UBL3: variants seen among roughly 807,000 people sequenced by gnomAD.
UBL3 encodes ubiquitin-like protein 3.
A neutral mutation model predicts 18.4 loss-of-function variants in UBL3; 6 were observed. The observed-to-expected ratio is 0.33, with a 90% CI of 0.18 to 0.64. The LOEUF is 0.64. UBL3 is among the 30% of genes least tolerant of loss of function. UBL3 has a pLI of 0.76. For missense variants in UBL3, 109 were observed against 142.9 expected, an observed-to-expected ratio of 0.76 and a Z score of 1.21; for synonymous variants, 49 against 46.6, an observed-to-expected ratio of 1.05 and a Z score of -0.21.
chr13:29,785,821 A>G (rs536346574), intron 1 of UBL3, among the ~76,000 whole-genome samples: 4 of 152,364 alleles, frequency 2.6e-5, no homozygotes, highest in Non-Finnish European at 4.4e-5. Flanking sequence ...TATGAGAGAC[A>G]TACAAACAGA....
At position 29,814,734 on chromosome 13, in the gene UBL3, A is replaced by G. The variant is rs551266500; in HGVS notation, c.27+34778T>C. ...TGCTGTCCAGAAATACACCACTGGA[A>G]TATGATTGGCCATGTGTGGTTGCAG... On this transcript the variant is annotated intron_variant, in intron 1 of 4. Coordinates refer to ENST00000380680, the MANE Select transcript of UBL3 (RefSeq NM_007106.4). Among the ~76,000 whole-genome samples, 5 of 152,318 alleles carry G rather than the reference A, an allele frequency of 3.3e-5. No individual in the cohort carries two copies. The East Asian group carries it at 5.8e-4, about 18-fold the overall frequency.
chr13:29,840,223 A>C (rs568005122), intron 1 of UBL3, among the ~76,000 whole-genome samples: 48 of 152,240 alleles, frequency 3.2e-4, no homozygotes, highest in African/African-American at 7.9e-4. Context: ...CACACACACA[A>C]AAACCTTAAG....
chr13:29,835,107 AATATATATATAT>A, intron 1 of UBL3, among the ~76,000 whole-genome samples: 1 of 23,796 alleles, frequency 4.2e-5, no homozygotes, highest in East Asian at 1.5e-3. Flanking sequence ...TATATATATA[AATATATATATAT>A]ATATAAATAT....
chr13:29,799,889 T>A (rs2139331610), intron 1 of UBL3, among the ~76,000 whole-genome samples: 1 of 152,310 alleles, frequency 6.6e-6, no homozygotes, highest in Non-Finnish European at 1.5e-5. Flanking sequence ...TTTTGCTTAT[T>A]TTCAAAATAA....
At chr13:29,816,544 A>G (rs901600463) in intron 1 of UBL3, among the ~76,000 whole-genome samples, 2 of 151,974 alleles carry the variant, frequency 1.3e-5, no homozygotes, top group African/African-American at 4.8e-5. Flanking sequence ...GGATTGAATA[A>G]GCCCAAGAGT....
chr13:29,818,420 T>G (rs1205905195), intron 1 of UBL3, among the ~76,000 whole-genome samples: 1 of 152,218 alleles, frequency 6.6e-6, no homozygotes, highest in Non-Finnish European at 1.5e-5. Context: ...GAAAACTGTT[T>G]AGGTCACTTG....
At chr13:29,803,927 G>A (rs1480076317) in intron 1 of UBL3, among the ~76,000 whole-genome samples, 1 of 151,624 alleles carries the variant, frequency 6.6e-6, no homozygotes, top group African/African-American at 2.4e-5. Flanking sequence ...CTTGATACTT[G>A]ACCAAAAAAG....
Position 29,827,924 on chromosome 13 carries a change from C to A in UBL3, c.27+21588G>T, listed in dbSNP as rs542175933. The stretch of plus-strand genomic sequence containing the variant: ...TGCTTGTTTGTAAAGGATTTTATTT[C>A]TTCTTCACTTACGAAGCTTAGTTTG... On this transcript the variant is annotated intron_variant, in intron 1 of 4. Transcript: ENST00000380680. Among the ~76,000 whole-genome samples the A allele has an allele frequency of 2.0e-5, 3 of 152,276 alleles. No homozygotes were observed. In the East Asian group the frequency reaches 5.8e-4, roughly 29 times the overall value.
intron 1 of UBL3, among the ~76,000 whole-genome samples, chr13:29,836,724 G>A (rs940007269): frequency 9.2e-5 from 14 of 151,996 alleles, no homozygotes; most frequent in Non-Finnish European, 1.0e-4. Context: ...ACCACCAAAG[G>A]GCCAGGAATT....
chr13:29,848,741 C>A (rs1879291185), intron 1 of UBL3, among the ~76,000 whole-genome samples: 1 of 152,174 alleles, frequency 6.6e-6, no homozygotes, highest in African/African-American at 2.4e-5. Context: ...TCAACCGACT[C>A]ACAACCTTAC....
chr13:29,849,314 C>G (rs1310791814), intron 1 of UBL3, among the ~76,000 whole-genome samples, 198 bp downstream of exon 1: 1 of 152,168 alleles, frequency 6.6e-6, no homozygotes. Context: ...TTAGAAAACA[C>G]GACCAAATGA....
At chr13:29,783,184 A>G (rs935260212) in intron 1 of UBL3, among the ~76,000 whole-genome samples, 2 of 152,210 alleles carry the variant, frequency 1.3e-5, no homozygotes, top group African/African-American at 4.8e-5. Context: ...CTCAATCTTT[A>G]ATTTGTTTTG....
chr13:29,778,511 GT>G (rs1218622241), intron 1 of UBL3, among the ~76,000 whole-genome samples: 1 of 152,174 alleles, frequency 6.6e-6, no homozygotes, highest in African/African-American at 2.4e-5. Context: ...ATCTAGCCTA[GT>G]TTCTTTATAT....
chr13:29,790,949 C>G (rs1314860112), intron 1 of UBL3, among the ~76,000 whole-genome samples: 1 of 152,114 alleles, frequency 6.6e-6, no homozygotes, highest in Non-Finnish European at 1.5e-5. Context: ...CCACTGTCAC[C>G]CATTTGGAAT....
intron 1 of UBL3, among the ~76,000 whole-genome samples, chr13:29,816,227 ACATTACTTT>A (rs1878274828): frequency 6.6e-6 from 1 of 152,172 alleles, no homozygotes; most frequent in African/African-American, 2.4e-5. Flanking sequence ...TAATATTATT[ACATTACTTT>A]GTCTAGAGTC....
At chr13:29,827,672 C>A (rs1340843591) in intron 1 of UBL3, among the ~76,000 whole-genome samples, 2 of 152,094 alleles carry the variant, frequency 1.3e-5, no homozygotes. Flanking sequence ...GCATTTAGTC[C>A]ATTTACATTT....
At position 29,820,562 on chromosome 13, in the gene UBL3, T is replaced by G. The variant is rs186741097; in HGVS notation, c.27+28950A>C. 2.3e-3 allele frequency among the ~76,000 whole-genome samples: 344 copies of G among 152,286 alleles called. 2 individuals carry two copies. Among genetic ancestry groups the G allele is most frequent in the African/African-American group, 8.1e-3 (335 of 41,554 alleles). ...ATTCCTTGCGATCCTGGAGTTTATTTTTCACTCATGGTTCCTATATTTGAA... is the reference window on the plus strand; with the variant it reads ...ATTCCTTGCGATCCTGGAGTTTATTGTTCACTCATGGTTCCTATATTTGAA... On this transcript the variant is annotated intron_variant, in intron 1 of 4. Coordinates refer to ENST00000380680, the MANE Select transcript of UBL3 (RefSeq NM_007106.4).
chr13:29,767,577 T>G (rs1876723594), intron 4 of UBL3, 41 bp downstream of exon 4: 1 of 1,599,520 alleles, frequency 6.3e-7, no homozygotes, highest in African/African-American at 1.3e-5. Flanking sequence ...AATGCCTGTC[T>G]TTGTGCCTCA....
chr13:29,794,725 G>C (rs1474688977), intron 1 of UBL3, among the ~76,000 whole-genome samples: 1 of 152,184 alleles, frequency 6.6e-6, no homozygotes, highest in Non-Finnish European at 1.5e-5. Context: ...TTTCTCCGAT[G>C]TATCTTGCTC....
Sources: gnomAD v4.1 joint callset for allele counts (sites outside exome capture counted in the v4.1 genomes callset) on GRCh38, gnomAD v4.1.1 for gene constraint, MANE v1.5 for transcripts, NCBI Gene and HGNC (gene_info 2026-07-23, HGNC 2026-07-21) for gene names.